Variants in BNC2 observed in about 807,000 individuals in gnomAD.
BNC2 encodes the protein zinc finger protein basonuclin-2.
Under a neutral mutation model 76.3 loss-of-function variants are expected in BNC2, and 20 were observed. The ratio of observed to expected loss-of-function variants is 0.26; its 90% CI spans 0.18 to 0.38. The LOEUF (loss-of-function observed/expected upper bound fraction) is 0.38. BNC2 is among the 10% of genes least tolerant of loss of function. The pLI, the probability that BNC2 is intolerant of heterozygous loss-of-function variation, is 1.00. For missense variants in BNC2, 1,382 were observed against 1,399.8 expected, an observed-to-expected ratio of 0.99 and a Z score of 0.20; for synonymous variants, 582 against 514.8, an observed-to-expected ratio of 1.13 and a Z score of -1.77.
At chr9:16,758,790 A>G (rs536061485) in intron 1 of BNC2, among the ~76,000 whole-genome samples, 1 of 152,236 alleles carries the variant, frequency 6.6e-6, no homozygotes, top group Admixed American at 6.5e-5. Flanking sequence ...GTATTTAAAA[A>G]TCTGCCAATT....
rs558316289 is a variant in BNC2 at position 16,765,940 on chromosome 9, C to T, written c.4-27455G>A. Among the ~76,000 whole-genome samples, 19 of 152,208 alleles carry T rather than the reference C, an allele frequency of 1.2e-4. No homozygotes were observed. In the South Asian group the frequency reaches 1.5e-3, roughly 12 times the overall value. ...TAGCTGGGACTACAGGCGCTCGCCA[C>T]CACGCCTGGCTAATTTTTTTGTATT... On this transcript the variant is annotated intron_variant, in intron 1 of 6. Transcript: ENST00000380672.
intron 5 of BNC2, among the ~76,000 whole-genome samples, chr9:16,462,516 G>C (rs1821605480): frequency 6.6e-6 from 1 of 152,090 alleles, no homozygotes; most frequent in Non-Finnish European, 1.5e-5. Flanking sequence ...AGAGCCAAAA[G>C]ACAAAGTTTG....
chr9:16,701,358 T>A (rs958401057), intron 3 of BNC2, among the ~76,000 whole-genome samples: 1 of 152,242 alleles, frequency 6.6e-6, no homozygotes, highest in African/African-American at 2.4e-5. Context: ...CTTTGCTGGA[T>A]TACACATGTT....
intron 4 of BNC2, among the ~76,000 whole-genome samples, chr9:16,569,520 G>A (rs530858683): frequency 5.3e-5 from 8 of 152,096 alleles, no homozygotes; most frequent in African/African-American, 1.7e-4. Context: ...GTGGCCTTAC[G>A]CATAATAAAG....
intron 3 of BNC2, among the ~76,000 whole-genome samples, chr9:16,637,578 C>T (rs1821364523): frequency 6.6e-6 from 1 of 152,094 alleles, no homozygotes. Flanking sequence ...GTGTTCAAAG[C>T]CATTACTAAA....
intron 5 of BNC2, among the ~76,000 whole-genome samples, chr9:16,446,865 C>T (rs1176342282): frequency 6.6e-6 from 1 of 151,986 alleles, no homozygotes; most frequent in African/African-American, 2.4e-5. Context: ...AGGATTTCTT[C>T]CTTGTACTGA....
intron 1 of BNC2, among the ~76,000 whole-genome samples, chr9:16,805,066 GA>G (rs1048685922): frequency 6.6e-6 from 1 of 151,186 alleles, no homozygotes; most frequent in Non-Finnish European, 1.5e-5. Context: ...CGTCTCAAAA[GA>G]AAAAAAAGTG....
intron 1 of BNC2, among the ~76,000 whole-genome samples, chr9:16,868,996 C>T (rs982637285): frequency 6.6e-6 from 1 of 152,132 alleles, no homozygotes; most frequent in African/African-American, 2.4e-5. Flanking sequence ...GGCTTAGCCA[C>T]AGTTCAAAGT....
At position 16,535,963 on chromosome 9, in the gene BNC2, C is replaced by A. The variant is rs116236385; in HGVS notation, c.669+16567G>T. Among the ~76,000 whole-genome samples the A allele has an allele frequency of 5.6e-3, 847 of 152,182 alleles. 8 individuals carry two copies. Among genetic ancestry groups the A allele is most frequent in the African/African-American group, 0.019 (789 of 41,520 alleles). ...ATAAATTGCCCAGTTATCTCCACTG[C>A]CCCAACCAACAGCCAGTAACAACCT... On this transcript the variant is annotated intron_variant, in intron 5 of 6. Coordinates refer to ENST00000380672, the MANE Select transcript of BNC2 (RefSeq NM_017637.6).
chr9:16,860,555 T>C (rs1286053453), intron 1 of BNC2, among the ~76,000 whole-genome samples: 2 of 152,190 alleles, frequency 1.3e-5, no homozygotes, highest in Admixed American at 1.3e-4. Context: ...TAAAGATCTA[T>C]GAATCCACCC....
intron 1 of BNC2, among the ~76,000 whole-genome samples, chr9:16,782,676 T>C (rs1310195029): frequency 6.6e-6 from 1 of 152,152 alleles, no homozygotes; most frequent in Non-Finnish European, 1.5e-5. Flanking sequence ...CCGATGGAAC[T>C]CTGGGCTTAG....
At chr9:16,692,277 C>A (rs1823196158) in intron 3 of BNC2, among the ~76,000 whole-genome samples, 1 of 152,160 alleles carries the variant, frequency 6.6e-6, no homozygotes, top group Non-Finnish European at 1.5e-5. Context: ...AAGTATGCCA[C>A]ACCCAGGTTA....
At chr9:16,795,113 T>G (rs1490389132) in intron 1 of BNC2, among the ~76,000 whole-genome samples, 1 of 152,086 alleles carries the variant, frequency 6.6e-6, no homozygotes. Flanking sequence ...CTCTCAAGTT[T>G]CCAGAACAAT....
At chr9:16,736,051 T>C (rs1213555469) in intron 2 of BNC2, among the ~76,000 whole-genome samples, 2 of 151,456 alleles carry the variant, frequency 1.3e-5, no homozygotes, top group African/African-American at 4.8e-5. Context: ...ATGGCCAACA[T>C]GGCAAAATCC....
Position 16,447,378 on chromosome 9 carries a change from C to A in BNC2, c.670-9854G>T, listed in dbSNP as rs562338852. 1.1e-3 allele frequency among the ~76,000 whole-genome samples: 170 copies of A among 152,190 alleles called. 1 individual carries two copies. Among genetic ancestry groups the A allele is most frequent in the African/African-American group, 3.9e-3 (164 of 41,554 alleles). On this transcript the variant is annotated intron_variant, in intron 5 of 6. Transcript: ENST00000380672. ...TAAAATTTGTAAGCCTTACTAAAAA[C>A]TCAGCTTTACAATTCTATTATTCTA... is the stretch of plus-strand genomic sequence containing the variant.
intron 1 of BNC2, among the ~76,000 whole-genome samples, chr9:16,847,432 G>T (rs1227216203): frequency 1.1e-5 from 1 of 92,834 alleles, no homozygotes; most frequent in Non-Finnish European, 1.9e-5. Context: ...CAACAACCCT[G>T]AAGCTTTCAC....
At chr9:16,730,542 A>G (rs1399702779) in intron 2 of BNC2, among the ~76,000 whole-genome samples, 1 of 152,182 alleles carries the variant, frequency 6.6e-6, no homozygotes, top group Non-Finnish European at 1.5e-5. Context: ...TTTAGTTCAT[A>G]AACTCTCTCC....
At chr9:16,600,857 T>C (rs1388863376) in intron 3 of BNC2, among the ~76,000 whole-genome samples, 3 of 152,160 alleles carry the variant, frequency 2.0e-5, no homozygotes, top group Non-Finnish European at 2.9e-5. Context: ...CTGTACACAG[T>C]TGTCAGGTGT....
chr9:16,829,820 C>T (rs1461254204), intron 1 of BNC2, among the ~76,000 whole-genome samples: 1 of 152,084 alleles, frequency 6.6e-6, no homozygotes, highest in Non-Finnish European at 1.5e-5. Context: ...CTTAAAAATA[C>T]TTAAGAAAAA....
Sources: gnomAD v4.1 joint callset for allele counts (sites outside exome capture counted in the v4.1 genomes callset) on GRCh38, gnomAD v4.1.1 for gene constraint, MANE v1.5 for transcripts, NCBI Gene and HGNC (gene_info 2026-07-23, HGNC 2026-07-21) for gene names.